SAMD8: variants seen among roughly 807,000 people sequenced by gnomAD.
SAMD8 encodes sphingomyelin synthase-related protein 1.
A neutral mutation model predicts 42.0 loss-of-function variants in SAMD8; 20 were observed. That is an observed-to-expected ratio of 0.48 (90% CI 0.34 to 0.69). The LOEUF is 0.69. Ranked by LOEUF, SAMD8 falls within the 30% of genes least tolerant of loss-of-function variation. SAMD8 has a pLI of 0.01. For synonymous variants in SAMD8, 162 were observed against 173.0 expected (o/e 0.94, Z 0.50); for missense variants, 328 against 511.6 (o/e 0.64, Z 3.46).
chr10:75,168,376 A>C, intron 3 of SAMD8, 165 bp from the exon 4 acceptor site: 1 of 953,896 alleles, frequency 1.0e-6, no homozygotes, highest in Non-Finnish European at 1.2e-6. Flanking sequence ...ATTGCAGAGA[A>C]TTCTGTTGGA....
intron 1 of SAMD8, among the ~76,000 whole-genome samples, chr10:75,135,642 GGT>G (rs1849379729): frequency 6.6e-6 from 1 of 151,772 alleles, no homozygotes; most frequent in Non-Finnish European, 1.5e-5. Context: ...TGGCTAACAT[GGT>G]GAAACCCTCT....
intron 1 of SAMD8, among the ~76,000 whole-genome samples, chr10:75,118,897 T>G (rs1431537618): frequency 6.6e-6 from 1 of 152,202 alleles, no homozygotes; most frequent in Non-Finnish European, 1.5e-5. Context: ...TGTTCTGGTT[T>G]ATGGATCTGC....
intron 1 of SAMD8, among the ~76,000 whole-genome samples, chr10:75,142,514 G>A (rs28666748): frequency 0.19 from 28,756 of 152,008 alleles, 2,990 homozygotes; most frequent in East Asian, 0.26. Flanking sequence ...TTGGCTCACT[G>A]CAACCTCCGC....
At position 75,176,124 on chromosome 10, in the gene SAMD8, G is replaced by GTA. The variant is rs760415930; in HGVS notation, c.853_854dup (p.Met285IlefsTer2). The GTA allele has an allele frequency of 2.5e-6, 4 of 1,614,180 alleles. No homozygotes were observed. The highest frequency in any genetic ancestry group is 3.4e-6 in the Non-Finnish European group (4 of 1,180,042). ...GCCTTTGCCATTTGGAGTGGCTTTG[G>GTA]TATGACCCTGACTGGCGTTCACACA... is the stretch of plus-strand genomic sequence containing the variant. On this transcript the variant is annotated frameshift_variant, in exon 5 of 6. Transcript: ENST00000542569. LOFTEE classifies it high-confidence loss of function. The surrounding 1 kb of genome is among the most constrained non-coding windows in gnomAD (Gnocchi z 4.3).
At chr10:75,116,089 C>CT (rs1848875250) in intron 1 of SAMD8, among the ~76,000 whole-genome samples, 1 of 151,078 alleles carries the variant, frequency 6.6e-6, no homozygotes, top group Non-Finnish European at 1.5e-5. Flanking sequence ...TTATATTTGT[C>CT]TAAGTATTTT....
At chr10:75,167,036 T>C (rs138354063) in intron 3 of SAMD8, among the ~76,000 whole-genome samples, 2 of 152,302 alleles carry the variant, frequency 1.3e-5, no homozygotes, top group African/African-American at 2.4e-5. Flanking sequence ...TTCAAAAATA[T>C]GTGATGTATG....
At chr10:75,109,818 T>TTTTTTGTTTTGTTTTG (rs1554856163), upstream of SAMD8, among the ~76,000 whole-genome samples, 9 of 150,200 alleles carry the variant, frequency 6.0e-5, no homozygotes, top group East Asian at 7.9e-4. Context: ...AAGGTGTTTT[T>TTTTTTGTTTTGTTTTG]TTTTGTTTTG....
chr10:75,115,023 T>C (rs1008370260), intron 1 of SAMD8, among the ~76,000 whole-genome samples: 3 of 152,228 alleles, frequency 2.0e-5, no homozygotes. Flanking sequence ...ATTTAGGTTA[T>C]AGAGGAGGAC....
chr10:75,102,961 A>T (rs577426323), intron 1 of SAMD8, among the ~76,000 whole-genome samples: 131 of 152,008 alleles, frequency 8.6e-4, no homozygotes, highest in Non-Finnish European at 1.4e-3. Context: ...TCCAAAAAAA[A>T]CATTAGCTGG....
intron 1 of SAMD8, among the ~76,000 whole-genome samples, chr10:75,114,046 C>A (rs954257781): frequency 6.6e-6 from 1 of 152,130 alleles, no homozygotes; most frequent in Non-Finnish European, 1.5e-5. Flanking sequence ...TAAAGAAAAT[C>A]AGTTTTTGGC....
intron 1 of SAMD8, among the ~76,000 whole-genome samples, chr10:75,102,408 A>T (rs1367491297): frequency 6.6e-6 from 1 of 152,080 alleles, no homozygotes; most frequent in African/African-American, 2.4e-5. Flanking sequence ...GCGCCACTGC[A>T]CTCCAGCCTG....
intron 1 of SAMD8, among the ~76,000 whole-genome samples, chr10:75,143,725 A>G (rs1589954747): frequency 6.6e-6 from 1 of 151,952 alleles, no homozygotes; most frequent in South Asian, 2.1e-4. Context: ...TGATTTTGGT[A>G]TGCCTTGGTA....
upstream of SAMD8, among the ~76,000 whole-genome samples, chr10:75,109,469 TG>T (rs1848710990): frequency 6.6e-6 from 1 of 152,212 alleles, no homozygotes; most frequent in Non-Finnish European, 1.5e-5. Flanking sequence ...AAGGACATGC[TG>T]GGTCTGACAC....
At chr10:75,172,832 C>T (rs1424868373) in intron 4 of SAMD8, among the ~76,000 whole-genome samples, 1 of 151,984 alleles carries the variant, frequency 6.6e-6, no homozygotes, top group Non-Finnish European at 1.5e-5. Context: ...CAGGATTTCA[C>T]TTTGCTGCTC....
chr10:75,109,612 T>C (rs1297259429), upstream of SAMD8, among the ~76,000 whole-genome samples: 1 of 151,938 alleles, frequency 6.6e-6, no homozygotes, highest in Non-Finnish European at 1.5e-5. Flanking sequence ...GGATGAATGA[T>C]AGAAAGAACT....
intron 2 of SAMD8, among the ~76,000 whole-genome samples, chr10:75,152,580 T>C (rs910820781): frequency 6.9e-6 from 1 of 143,960 alleles, no homozygotes; most frequent in Non-Finnish European, 1.5e-5. Flanking sequence ...AGGCCAGGCA[T>C]GGTGGCTCAT....
At chr10:75,151,137 A>G (rs1840279530) in intron 2 of SAMD8, 31 bp downstream of exon 2, 1 of 1,207,650 alleles carries the variant, frequency 8.3e-7, no homozygotes, top group Non-Finnish European at 1.1e-6. Context: ...CTAAGTTTGT[A>G]GGATGTTGCT....
At chr10:75,109,022 A>G, upstream of SAMD8, 1 of 1,608,534 alleles carries the variant, frequency 6.2e-7, no homozygotes. Context: ...TCTCCTATGA[A>G]AAGGTTGGGC....
At chr10:75,125,541 A>G (rs1849111225) in intron 1 of SAMD8, 1 of 152,280 alleles carries the variant, frequency 6.6e-6, no homozygotes, top group African/African-American at 2.4e-5. Context: ...ACTTGAGCTC[A>G]GGAGGCAAAG....
Sources: gnomAD v4.1 joint callset for allele counts (sites outside exome capture counted in the v4.1 genomes callset) on GRCh38, gnomAD v4.1.1 for gene constraint, Gnocchi (gnomAD v3.1) non-coding constraint, MANE v1.5 for transcripts, NCBI Gene and HGNC (gene_info 2026-07-23, HGNC 2026-07-21) for gene names.